Variants in IDO2 observed in about 807,000 individuals in gnomAD.
IDO2 encodes indoleamine 2,3-dioxygenase-like 1 protein.
Under a neutral mutation model 45.1 loss-of-function variants are expected in IDO2, and 46 were observed. That is an observed-to-expected ratio of 1.02 (90% CI 0.80 to 1.30). IDO2 has a LOEUF of 1.30. IDO2 is among the 50% of genes most tolerant of loss of function. The probability of loss-of-function intolerance (pLI) is 0.00; values close to 1 mark genes in which losing one functional copy is unlikely to be tolerated. For synonymous variants in IDO2, 218 were observed against 184.9 expected, an observed-to-expected ratio of 1.18 and a Z score of -1.45; for missense variants, 544 against 491.8, an observed-to-expected ratio of 1.11 and a Z score of -1.00.
intron 8 of IDO2, among the ~76,000 whole-genome samples, chr8:39,997,042 CAAAAG>C (rs1171868897): frequency 6.6e-6 from 1 of 152,130 alleles, no homozygotes; most frequent in African/African-American, 2.4e-5. Context: ...GAATGCTTTA[CAAAAG>C]AAATCATTTT....
chr8:39,995,124 AT>A (rs1802013364), intron 8 of IDO2: 1 of 150,952 alleles, frequency 6.6e-6, no homozygotes, highest in Non-Finnish European at 1.5e-5. Flanking sequence ...CCATCAGCCT[AT>A]AAAATTATTC....
At chr8:40,000,894 C>T (rs1802124369) in intron 8 of IDO2, among the ~76,000 whole-genome samples, 1 of 152,180 alleles carries the variant, frequency 6.6e-6, no homozygotes, top group Admixed American at 6.5e-5. Flanking sequence ...TTCATTCATT[C>T]AGTCTTTTGT....
At chr8:39,994,011 A>AAAAT (rs1801989044) in intron 8 of IDO2, among the ~76,000 whole-genome samples, 1 of 152,188 alleles carries the variant, frequency 6.6e-6, no homozygotes, top group African/African-American at 2.4e-5. Flanking sequence ...TGTCCCCAAA[A>AAAAT]AAATAAATAA....
intron 4 of IDO2, among the ~76,000 whole-genome samples, chr8:39,979,928 C>T (rs559309496): frequency 6.6e-6 from 1 of 152,198 alleles, no homozygotes; most frequent in East Asian, 1.9e-4. Flanking sequence ...CTCAAGCAAC[C>T]CTCCCACCTC....
intron 8 of IDO2, among the ~76,000 whole-genome samples, chr8:40,001,995 A>G: frequency 6.6e-6 from 1 of 152,086 alleles, no homozygotes. Flanking sequence ...CATGTTGGCC[A>G]GGCTGGTCTC....
At chr8:40,003,640 T>G (rs1802173882) in intron 8 of IDO2, among the ~76,000 whole-genome samples, 1 of 152,172 alleles carries the variant, frequency 6.6e-6, no homozygotes, top group Non-Finnish European at 1.5e-5. Flanking sequence ...TATCAGTAGA[T>G]TATATGTGTT....
chr8:40,012,425 T>G (rs905583600), intron 9 of IDO2, among the ~76,000 whole-genome samples: 6 of 152,200 alleles, frequency 3.9e-5, no homozygotes, highest in African/African-American at 1.4e-4. Flanking sequence ...CCTTAATTGC[T>G]TTGAGTCTTT....
chr8:39,994,304 C>T (rs1801996987), intron 8 of IDO2, among the ~76,000 whole-genome samples: 1 of 149,420 alleles, frequency 6.7e-6, no homozygotes, highest in Admixed American at 6.7e-5. Flanking sequence ...GTTGCCCAGG[C>T]TGGGGTGCGA....
At chr8:39,967,841 A>T (rs1441634970) in intron 3 of IDO2, among the ~76,000 whole-genome samples, 2 of 152,354 alleles carry the variant, frequency 1.3e-5, no homozygotes, top group Non-Finnish European at 2.9e-5. Flanking sequence ...ATCTGGCCAT[A>T]TCAAAATACT....
chr8:39,967,197 G>A (rs1808098836), intron 3 of IDO2, among the ~76,000 whole-genome samples: 1 of 152,064 alleles, frequency 6.6e-6, no homozygotes, highest in Non-Finnish European at 1.5e-5. Context: ...AGAAATACAG[G>A]TGATCCAAAT....
At chr8:40,002,516 T>C (rs1479691871) in intron 8 of IDO2, among the ~76,000 whole-genome samples, 4 of 152,164 alleles carry the variant, frequency 2.6e-5, no homozygotes, top group Non-Finnish European at 4.4e-5. Context: ...ATGTTGGAGC[T>C]GGGCGCGGTG....
intron 3 of IDO2, among the ~76,000 whole-genome samples, chr8:39,966,227 C>T (rs535355178): frequency 2.0e-5 from 3 of 152,090 alleles, no homozygotes; most frequent in Non-Finnish European, 4.4e-5. Flanking sequence ...CGGGGTTTCA[C>T]CATATTGGCC....
intron 3 of IDO2, among the ~76,000 whole-genome samples, chr8:39,974,399 G>C (rs1808227693): frequency 6.6e-6 from 1 of 152,204 alleles, no homozygotes. Context: ...ATTCATTCAA[G>C]ATGGATACAA....
chr8:39,990,169 C>G (rs1808479929), intron 8 of IDO2, among the ~76,000 whole-genome samples: 1 of 152,106 alleles, frequency 6.6e-6, no homozygotes, highest in Non-Finnish European at 1.5e-5. Flanking sequence ...CGCGCGTGCC[C>G]CATCCTGCAG....
intron 2 of IDO2, among the ~76,000 whole-genome samples, chr8:39,952,304 T>C (rs920390375): frequency 5.9e-5 from 9 of 152,140 alleles, no homozygotes; most frequent in African/African-American, 1.9e-4. Context: ...AGCGTCAGAG[T>C]CGGGAGGCTG....
At chr8:39,985,164 C>T (rs1302788345) in intron 5 of IDO2, 1 of 339,624 alleles carries the variant, frequency 2.9e-6, no homozygotes, top group East Asian at 7.0e-5. Context: ...TCCTCGACCT[C>T]ATAATCCACC....
chr8:39,954,793 T>G (rs1315504291), intron 2 of IDO2, among the ~76,000 whole-genome samples: 1 of 151,554 alleles, frequency 6.6e-6, no homozygotes, highest in Non-Finnish European at 1.5e-5. Context: ...ATAGCTGGTA[T>G]TACAGGTGCG....
chr8:40,015,609 G>A lies in IDO2; in HGVS notation c.*7G>A, dbSNP rs748888650. On this transcript the variant is annotated 3_prime_UTR_variant, in exon 11 of 11. Coordinates refer to ENST00000502986, the Ensembl canonical transcript of IDO2. ...CCTTCACCCACGTGGTTAGGAGGCT[G>A]CCCTCTCCCCAGCAATGCAGAGCCC... The A allele has an allele frequency of 2.5e-6, 4 of 1,596,170 alleles. No individual in the cohort carries two copies. In the South Asian group the frequency reaches 4.5e-5, roughly 18 times the overall value.
At chr8:39,981,189 G>A (rs1437068481) in intron 4 of IDO2, among the ~76,000 whole-genome samples, 1 of 151,678 alleles carries the variant, frequency 6.6e-6, no homozygotes, top group Non-Finnish European at 1.5e-5. Context: ...AGCCTCCCAA[G>A]TAACTGGGAC....
Sources: gnomAD v4.1 joint callset for allele counts (sites outside exome capture counted in the v4.1 genomes callset) on GRCh38, gnomAD v4.1.1 for gene constraint, MANE v1.5 for transcripts, NCBI Gene and HGNC (gene_info 2026-07-23, HGNC 2026-07-21) for gene names.